Variants in PACRG observed in about 807,000 individuals in gnomAD.
The protein encoded by PACRG is parkin coregulated.
PACRG carries 29 observed loss-of-function variants against 29.7 expected under a neutral mutation model. That is an observed-to-expected ratio of 0.98 (90% CI 0.73 to 1.33). The LOEUF (loss-of-function observed/expected upper bound fraction) is 1.33. PACRG is among the 40% of genes most tolerant of loss of function. The pLI, the probability that PACRG is intolerant of heterozygous loss-of-function variation, is 0.00. For synonymous variants in PACRG, 116 were observed against 118.7 expected (o/e 0.98, Z 0.15); for missense variants, 279 against 316.2 (o/e 0.88, Z 0.89).
At position 163,315,172 on chromosome 6, in the gene PACRG, T is replaced by A. The variant is rs9306; in HGVS notation, c.*185T>A. 24 of 604,926 alleles carry A rather than the reference T, an allele frequency of 4.0e-5. No homozygotes were observed. The African/African-American group carries it at 4.3e-4, about 11-fold the overall frequency. 37.5% of individuals were successfully genotyped at this position (604,926 alleles called of 1,614,324 possible). On this transcript the variant is annotated 3_prime_UTR_variant, in exon 5 of 5. Transcript: ENST00000366888. Reference sequence around the variant, plus strand: ...AAGGCTTTCCAATACATAAATAGTGTCTGTTTCTTAGATTACAATAGTGTA... The same window carrying A: ...AAGGCTTTCCAATACATAAATAGTGACTGTTTCTTAGATTACAATAGTGTA...
At chr6:162,995,115 C>T (rs1280033153) in intron 2 of PACRG, among the ~76,000 whole-genome samples, 22 of 150,802 alleles carry the variant, frequency 1.5e-4, no homozygotes, top group Admixed American at 9.9e-4. Flanking sequence ...TCTCCAGCTG[C>T]GTGCTGGGAG....
At chr6:163,156,385 G>A (rs931543801) in intron 4 of PACRG, among the ~76,000 whole-genome samples, 1 of 152,102 alleles carries the variant, frequency 6.6e-6, no homozygotes, top group African/African-American at 2.4e-5. Context: ...GGAGCCTGGG[G>A]GCCGTTTTAG....
intron 4 of PACRG, among the ~76,000 whole-genome samples, chr6:163,230,678 A>G (rs1781985682): frequency 1.4e-5 from 1 of 71,770 alleles, no homozygotes; most frequent in Non-Finnish European, 2.9e-5. Context: ...TGCTGATGGA[A>G]ACAGCAACAG....
At chr6:163,057,848 G>T (rs1562874314) in intron 2 of PACRG, among the ~76,000 whole-genome samples, 1 of 152,162 alleles carries the variant, frequency 6.6e-6, no homozygotes, top group Non-Finnish European at 1.5e-5. Context: ...CAGAAACCTT[G>T]TAAGAGAACC....
In PACRG at chr6:162,875,053, TCACA is replaced by T. The variant is rs1340739083; in HGVS notation, c.291+60775_291+60778del. Among the ~76,000 whole-genome samples the T allele has an allele frequency of 2.0e-5, 3 of 151,884 alleles. No homozygotes were observed. The East Asian group carries it at 5.8e-4, about 29-fold the overall frequency. ...TGTATATTCACACATGCTTTCACAC[TCACA>T]CATGCATTCACACCCTCACACATTC... On this transcript the variant is annotated intron_variant, in intron 2 of 4. Transcript: ENST00000366888.
intron 2 of PACRG, among the ~76,000 whole-genome samples, chr6:162,844,796 G>A (rs181466870): frequency 8.2e-4 from 125 of 152,200 alleles, no homozygotes; most frequent in African/African-American, 2.9e-3. Context: ...ATCTTAAAAT[G>A]GTTATTTCTT....
chr6:163,081,392 ATTT>A, intron 3 of PACRG, among the ~76,000 whole-genome samples: 1 of 152,234 alleles, frequency 6.6e-6, no homozygotes, highest in Admixed American at 6.5e-5. Context: ...GTGATGAAGA[ATTT>A]TTAGAAAAAG....
chr6:162,903,854 G>C (rs1382338441), intron 2 of PACRG, among the ~76,000 whole-genome samples: 1 of 152,144 alleles, frequency 6.6e-6, no homozygotes. Context: ...CCTGCCTCAG[G>C]GTGGGCCCCT....
At chr6:163,043,546 C>T (rs1223465677) in intron 2 of PACRG, among the ~76,000 whole-genome samples, 2 of 150,964 alleles carry the variant, frequency 1.3e-5, no homozygotes, top group Admixed American at 6.6e-5. Flanking sequence ...AGCAAGACTC[C>T]GTCTAAAAAA....
At chr6:163,011,678 T>C (rs981697890) in intron 2 of PACRG, among the ~76,000 whole-genome samples, 2 of 152,250 alleles carry the variant, frequency 1.3e-5, no homozygotes, top group Non-Finnish European at 2.9e-5. Flanking sequence ...TTATAAACTT[T>C]CCAATTTTTT....
At chr6:162,906,200 T>C (rs1352551049) in intron 2 of PACRG, among the ~76,000 whole-genome samples, 1 of 152,252 alleles carries the variant, frequency 6.6e-6, no homozygotes, top group Non-Finnish European at 1.5e-5. Flanking sequence ...ATAATTACTT[T>C]GTATAAGTCT....
chr6:162,784,528 G>C (rs1319227342), intron 1 of PACRG, among the ~76,000 whole-genome samples: 1 of 151,822 alleles, frequency 6.6e-6, no homozygotes, highest in Non-Finnish European at 1.5e-5. Flanking sequence ...GGTTTTTTTT[G>C]TTTGTTGTTT....
intron 4 of PACRG, among the ~76,000 whole-genome samples, chr6:163,187,502 C>T (rs912067826): frequency 2.0e-5 from 3 of 152,184 alleles, no homozygotes; most frequent in African/African-American, 7.2e-5. Context: ...CCACCCCAGA[C>T]TTCATCATGG....
intron 1 of PACRG, among the ~76,000 whole-genome samples, chr6:162,752,632 A>G (rs537423237): frequency 6.6e-6 from 1 of 152,328 alleles, no homozygotes; most frequent in South Asian, 2.1e-4. Context: ...CATAGCATCT[A>G]TGTACTTTAA....
intron 4 of PACRG, among the ~76,000 whole-genome samples, chr6:163,164,617 G>T (rs1778712227): frequency 6.6e-6 from 1 of 152,148 alleles, no homozygotes; most frequent in Non-Finnish European, 1.5e-5. Flanking sequence ...GATGCGGGCT[G>T]GATTGCAAAA....
intron 2 of PACRG, among the ~76,000 whole-genome samples, chr6:162,869,578 G>T (rs895472815): frequency 1.3e-5 from 2 of 152,250 alleles, no homozygotes; most frequent in South Asian, 2.1e-4. Context: ...GTCGTGGCAG[G>T]TTATGGGGGC....
At chr6:163,158,297 A>G (rs879651370) in intron 4 of PACRG, among the ~76,000 whole-genome samples, 2 of 152,208 alleles carry the variant, frequency 1.3e-5, no homozygotes, top group African/African-American at 2.4e-5. Context: ...TAGTAAAAGC[A>G]ATCCCGGTGA....
chr6:163,309,713 C>T lies in PACRG; in HGVS notation c.614-5114C>T, dbSNP rs113706268. Reference sequence around the variant, plus strand: ...TTCGTTGCCTTCTAACAGCCTCCAGCTCTTCAGGCATCTCAGGCAGGAGAG... The same window carrying T: ...TTCGTTGCCTTCTAACAGCCTCCAGTTCTTCAGGCATCTCAGGCAGGAGAG... On this transcript the variant is annotated intron_variant, in intron 4 of 4. Coordinates refer to ENST00000366888, the MANE Select transcript of PACRG (RefSeq NM_001080379.2). 2.3e-3 allele frequency among the ~76,000 whole-genome samples: 352 copies of T among 152,330 alleles called. 1 individual carries two copies. Among genetic ancestry groups the T allele is most frequent in the African/African-American group, 7.7e-3 (322 of 41,570 alleles).
At chr6:162,828,654 T>C (rs1205273968) in intron 2 of PACRG, among the ~76,000 whole-genome samples, 1 of 152,200 alleles carries the variant, frequency 6.6e-6, no homozygotes, top group African/African-American at 2.4e-5. Flanking sequence ...TGTGAGAGGA[T>C]ATAGCACCCT....
Sources: gnomAD v4.1 joint callset for allele counts (sites outside exome capture counted in the v4.1 genomes callset) on GRCh38, gnomAD v4.1.1 for gene constraint, MANE v1.5 for transcripts, NCBI Gene and HGNC (gene_info 2026-07-23, HGNC 2026-07-21) for gene names.